The following CSGALNACT1 variants were observed in gnomAD, a reference collection of about 807,000 sequenced individuals.
CSGALNACT1 encodes the protein chondroitin sulfate N-acetylgalactosaminyltransferase 1.
Under a neutral mutation model 51.0 loss-of-function variants are expected in CSGALNACT1, and 52 were observed. The ratio of observed to expected loss-of-function variants is 1.02; its 90% confidence interval spans 0.82 to 1.29. The LOEUF (loss-of-function observed/expected upper bound fraction) is 1.29. Ranked by LOEUF, CSGALNACT1 falls within the 50% of genes most tolerant of loss-of-function variation. The pLI is 0.00. For synonymous variants in CSGALNACT1, 341 were observed against 254.4 expected (o/e 1.34, Z -3.24); for missense variants, 935 against 679.2 (o/e 1.38, Z -4.19).
chr8:19,464,285 C>G (rs780900975), intron 4 of CSGALNACT1, among the ~76,000 whole-genome samples: 7 of 152,102 alleles, frequency 4.6e-5, no homozygotes, highest in African/African-American at 1.7e-4. Context: ...GGGGCCCAGT[C>G]GGTCCCACAC....
intron 3 of CSGALNACT1, among the ~76,000 whole-genome samples, chr8:19,515,856 G>T (rs554359018): frequency 6.6e-5 from 10 of 152,302 alleles, no homozygotes; most frequent in African/African-American, 1.9e-4. Context: ...ACCTAAGGCA[G>T]GTAGTTGGCA....
intron 5 of CSGALNACT1, among the ~76,000 whole-genome samples, chr8:19,449,577 G>A (rs2062729221): frequency 6.6e-6 from 1 of 152,050 alleles, no homozygotes. Flanking sequence ...GAAATTTTCA[G>A]AACCACCTTA....
At chr8:19,648,633 C>T (rs1204608480) in intron 1 of CSGALNACT1, among the ~76,000 whole-genome samples, 2 of 152,108 alleles carry the variant, frequency 1.3e-5, no homozygotes, top group East Asian at 1.9e-4. Flanking sequence ...CATGGTGAAA[C>T]CCCGTCTCTA....
At chr8:19,514,056 A>C (rs775385084) in intron 3 of CSGALNACT1, among the ~76,000 whole-genome samples, 15 of 152,098 alleles carry the variant, frequency 9.9e-5, no homozygotes, top group Non-Finnish European at 2.1e-4. Flanking sequence ...TTTTCCATTG[A>C]GACTTTCATT....
chr8:19,517,754 G>C (rs1293109767), intron 3 of CSGALNACT1, among the ~76,000 whole-genome samples: 9 of 152,084 alleles, frequency 5.9e-5, no homozygotes, highest in African/African-American at 2.2e-4. Context: ...TCACTATCAG[G>C]AGAACATTAT....
chr8:19,755,409 A>C (rs1029592139), intron 1 of CSGALNACT1, among the ~76,000 whole-genome samples: 4 of 146,520 alleles, frequency 2.7e-5, no homozygotes, highest in African/African-American at 7.6e-5. Context: ...ATTTTTTTTA[A>C]ATGTTGAAAC....
At chr8:19,410,138 G>T (rs1394334120) in intron 8 of CSGALNACT1, among the ~76,000 whole-genome samples, 2 of 152,204 alleles carry the variant, frequency 1.3e-5, no homozygotes, top group Non-Finnish European at 1.5e-5. Context: ...GGGACCTGCT[G>T]CCACCCTCTC....
chr8:19,695,916 C>T (rs1453864593), intron 1 of CSGALNACT1, among the ~76,000 whole-genome samples: 1 of 152,134 alleles, frequency 6.6e-6, no homozygotes, highest in African/African-American at 2.4e-5. Context: ...GTCACAAAGC[C>T]ATTAGCGCTC....
At chr8:19,519,549 G>A (rs994947777) in intron 3 of CSGALNACT1, among the ~76,000 whole-genome samples, 4 of 152,134 alleles carry the variant, frequency 2.6e-5, no homozygotes, top group African/African-American at 9.7e-5. Flanking sequence ...CTGGAAATAG[G>A]ACAAAACATC....
At chr8:19,518,936 G>A (rs2080096886) in intron 3 of CSGALNACT1, among the ~76,000 whole-genome samples, 1 of 152,296 alleles carries the variant, frequency 6.6e-6, no homozygotes, top group Non-Finnish European at 1.5e-5. Context: ...AGCACAGAAA[G>A]AAGAAAAACG....
intron 3 of CSGALNACT1, among the ~76,000 whole-genome samples, chr8:19,584,617 T>C (rs985563071): frequency 6.6e-6 from 1 of 152,350 alleles, no homozygotes; most frequent in South Asian, 2.1e-4. Context: ...TAATTGACTA[T>C]TCAGAAATCA....
chr8:19,714,294 T>C (rs1040557830), intron 1 of CSGALNACT1, among the ~76,000 whole-genome samples: 10 of 152,040 alleles, frequency 6.6e-5, no homozygotes, highest in South Asian at 4.1e-4. Context: ...TTTGTCTTTC[T>C]CTTTTGTTTA....
chr8:19,494,667 A>G (rs2075113411), intron 4 of CSGALNACT1, among the ~76,000 whole-genome samples: 1 of 152,006 alleles, frequency 6.6e-6, no homozygotes, highest in Non-Finnish European at 1.5e-5. Flanking sequence ...ACACTTAACA[A>G]AGTTTTGAGT....
rs2062674910 is a variant in CSGALNACT1 at position 19,714,248 on chromosome 8, T to C, written c.-297+43602A>G. 2.6e-5 allele frequency among the ~76,000 whole-genome samples: 4 copies of C among 152,222 alleles called. No homozygotes were observed. The South Asian group carries it at 8.3e-4, about 32-fold the overall frequency. The stretch of plus-strand genomic sequence containing the variant: ...TAATTTTTCTCCTTGAAAAGCAGCC[T>C]ATACTTAGCTTCCTTTCCTCTGGCT... On this transcript the variant is annotated intron_variant, in intron 1 of 1. Coordinates refer to the CSGALNACT1 transcript ENST00000517494.
At chr8:19,586,817 T>C (rs1291705999) in intron 3 of CSGALNACT1, among the ~76,000 whole-genome samples, 4 of 152,202 alleles carry the variant, frequency 2.6e-5, no homozygotes, top group Non-Finnish European at 5.9e-5. Flanking sequence ...GTCTTTACTT[T>C]AGAACTCCCA....
intron 1 of CSGALNACT1, among the ~76,000 whole-genome samples, chr8:19,616,005 G>A (rs2052950600): frequency 2.6e-5 from 4 of 152,150 alleles, no homozygotes; most frequent in African/African-American, 9.6e-5. Context: ...CTCTTAAGAA[G>A]ACAATAGGAA....
Position 19,690,774 on chromosome 8 carries a change from C to T in CSGALNACT1, c.-297+67076G>A, listed in dbSNP as rs745894790. On this transcript the variant is annotated intron_variant, in intron 1 of 1. Transcript: ENST00000517494. ...TATCCCACCCTTTCTATCCTGCAAG[C>T]CTAGGTCTTCCTAAGGACTACTTTG... Among the ~76,000 whole-genome samples the T allele has an allele frequency of 5.9e-4, 90 of 152,178 alleles. 1 individual carries two copies. The highest frequency in any genetic ancestry group is 1.1e-3 in the Non-Finnish European group (76 of 68,038).
At chr8:19,618,649 A>AGAAAG (rs2053391052) in intron 1 of CSGALNACT1, among the ~76,000 whole-genome samples, 1 of 120,290 alleles carries the variant, frequency 8.3e-6, no homozygotes, top group African/African-American at 3.8e-5. Flanking sequence ...AAAAAAAAAA[A>AGAAAG]AAAAAAAGAA....
At chr8:19,506,245 A>G (rs1257361869) in intron 3 of CSGALNACT1, 115 bp from the exon 3 acceptor site, 1 of 382,060 alleles carries the variant, frequency 2.6e-6, no homozygotes, top group African/African-American at 2.1e-5. Flanking sequence ...AATGCCTATG[A>G]TAGATGATTA....
Sources: gnomAD v4.1 joint callset for allele counts (sites outside exome capture counted in the v4.1 genomes callset) on GRCh38, gnomAD v4.1.1 for gene constraint, MANE v1.5 for transcripts, NCBI Gene and HGNC (gene_info 2026-07-23, HGNC 2026-07-21) for gene names.